USP9Y: variants seen among roughly 807,000 people sequenced by gnomAD.
The protein encoded by USP9Y is ubiquitin carboxyl-terminal hydrolase 9Y.
In USP9Y, 41 loss-of-function variants were observed where a neutral mutation model predicts 53.1. The ratio of observed to expected loss-of-function variants is 0.77; its 90% CI spans 0.60 to 1.00. The LOEUF is 1.00. Ranked by LOEUF, USP9Y falls within the 50% of genes least tolerant of loss-of-function variation. USP9Y has a pLI of 0.00. For synonymous variants in USP9Y, 220 were observed against 173.7 expected, an observed-to-expected ratio of 1.27 and a Z score of -2.09; for missense variants, 567 against 535.8, an observed-to-expected ratio of 1.06 and a Z score of -0.58.
At chrY:12,818,793 TAGAA>T (rs2053538581) in intron 33 of USP9Y, among the ~76,000 whole-genome samples, 183 bp downstream of exon 33, 3 of 34,018 alleles carry the variant, frequency 8.8e-5, no homozygotes, top group Non-Finnish European at 2.2e-4. Context: ...ATTATCCCAA[TAGAA>T]AGAAGTAAAA....
At chrY:12,840,657 A>G in intron 36 of USP9Y, 43 bp downstream of exon 36, 1 of 369,322 alleles carries the variant, frequency 2.7e-6, no homozygotes, top group Non-Finnish European at 3.8e-6. Flanking sequence ...AATAGTTTTT[A>G]TTTGGCTTCT....
intron 27 of USP9Y, among the ~76,000 whole-genome samples, chrY:12,809,047 G>T (rs954547551): frequency 7.7e-4 from 26 of 33,827 alleles, no homozygotes; most frequent in Non-Finnish European, 2.9e-4. Context: ...AGCAAGGTCG[G>T]TGTGGCTGAG....
At chrY:12,801,657 A>G (rs2053519337) in intron 27 of USP9Y, among the ~76,000 whole-genome samples, 1 of 33,958 alleles carries the variant, frequency 2.9e-5, no homozygotes, top group Admixed American at 2.6e-4. Flanking sequence ...TCTTTTATAT[A>G]TCACTGGCTG....
chrY:12,857,612 C>T lies in USP9Y; in HGVS notation c.7481C>T (p.Ser2494Leu). Residue 2494 changes from serine (S) to leucine (L), a missense_variant, in exon 45 of 46, where the codon TCA (serine) becomes TTA (leucine). Coordinates refer to ENST00000338981, the MANE Select transcript of USP9Y (RefSeq NM_004654.4). ...CCAGATGAGCATGAGCCCTCTCCATCAGAAGATGCCCCATTATATCCTCAT... is the reference window on the plus strand; with the variant it reads ...CCAGATGAGCATGAGCCCTCTCCATTAGAAGATGCCCCATTATATCCTCAT... ...DAPDEHEPSP[S>L]EDAPLYPHSP... The T allele has an allele frequency of 2.6e-6, 1 of 387,572 alleles. No individual in the cohort carries two copies. Among genetic ancestry groups the T allele is most frequent in the Non-Finnish European group, 3.6e-6 (1 of 277,351 alleles).
Position 12,758,650 on chromosome Y carries a change from T to C in USP9Y, c.1766+8T>C. 2.8e-6 allele frequency: 1 copy of C among 354,404 alleles called. No individual in the cohort carries two copies. The highest frequency in any genetic ancestry group is 6.7e-5 in the African/African-American group (1 of 14,996). The allele number at this position is 354,404 out of a possible 400,897, so 88.4% of individuals were successfully genotyped here. A position where few individuals can be genotyped will look rare whatever the true frequency, so the allele number is the denominator to read the frequency against. ...AGCATCTCAAAATTTGAGGTAAGAC[T>C]TTTTTAATAGAGAATTTTCTTATTT... On this transcript the variant is annotated splice_region_variant and intron_variant, in intron 14 of 45. Coordinates refer to ENST00000338981, the MANE Select transcript of USP9Y (RefSeq NM_004654.4).
At chrY:12,729,062 G>T in intron 7 of USP9Y, among the ~76,000 whole-genome samples, 1 of 33,565 alleles carries the variant, frequency 3.0e-5, no homozygotes, top group Non-Finnish European at 7.4e-5. Context: ...CACAATACCC[G>T]GCTGATTTAT....
At chrY:12,725,367 T>G in intron 6 of USP9Y, 142 bp downstream of exon 6, 1 of 141,945 alleles carries the variant, frequency 7.0e-6, no homozygotes, top group Non-Finnish European at 1.3e-5. Flanking sequence ...TAGCATGGTC[T>G]TTAAGAATGA....
intron 3 of USP9Y, among the ~76,000 whole-genome samples, chrY:12,713,096 T>C: frequency 6.1e-5 from 2 of 32,827 alleles, no homozygotes; most frequent in Non-Finnish European, 1.5e-4. Context: ...TAACATGATT[T>C]TAGCTTACAG....
intron 27 of USP9Y, among the ~76,000 whole-genome samples, chrY:12,795,829 C>T (rs1603200676): frequency 3.1e-5 from 1 of 32,722 alleles, no homozygotes. Flanking sequence ...AGTGATATGA[C>T]GCTGGTGGGA....
intron 15 of USP9Y, among the ~76,000 whole-genome samples, chrY:12,767,563 A>G (rs765420256): frequency 2.5e-4 from 8 of 32,075 alleles, no homozygotes; most frequent in African/African-American, 9.8e-4. Context: ...GTTTGTTTCT[A>G]TTGTCATAGA....
At chrY:12,798,099 C>T in intron 27 of USP9Y, among the ~76,000 whole-genome samples, 1 of 26,012 alleles carries the variant, frequency 3.8e-5, no homozygotes, top group East Asian at 1.0e-3. Context: ...CTCTCCCTCC[C>T]TCCTTCCTTC....
In USP9Y at chrY:12,846,948, C is replaced by G. The variant is rs2053567094; in HGVS notation, c.6770C>G (p.Pro2257Arg). Residue 2257 changes from proline (P) to arginine (R), a missense_variant, in exon 41 of 46, where the codon CCC becomes CGC. Coordinates refer to ENST00000338981, the MANE Select transcript of USP9Y (RefSeq NM_004654.4). ...TCTGTTCTAGGTAATCCCCCTCTCC[C>G]CAATCCTTTCGGTGACCTTAATTTA... ...QSSINGNPPL[P>R]NPFGDLNLSQ... 1 of 393,393 alleles carries G rather than the reference C, an allele frequency of 2.5e-6. No homozygotes were observed. The highest frequency in any genetic ancestry group is 3.6e-6 in the Non-Finnish European group (1 of 280,069).
chrY:12,780,177 T>C (rs2053497571), intron 22 of USP9Y, among the ~76,000 whole-genome samples: 2 of 33,929 alleles, frequency 5.9e-5, no homozygotes, highest in Non-Finnish European at 1.5e-4. Context: ...TACAATCTCC[T>C]AAGTTACTCA....
chrY:12,712,690 A>G, intron 3 of USP9Y, among the ~76,000 whole-genome samples: 1 of 33,141 alleles, frequency 3.0e-5, no homozygotes, highest in African/African-American at 1.2e-4. Context: ...TAACTACACT[A>G]TTTGTTATTA....
In USP9Y at chrY:12,786,226, C is replaced by T; in HGVS notation, c.3175C>T (p.Arg1059Ter). Residue 1059 changes from arginine (R) to a stop codon, truncating the protein, a stop_gained, in exon 23 of 46, where the codon CGA (arginine) becomes TGA (stop). Coordinates refer to ENST00000338981, the MANE Select transcript of USP9Y (RefSeq NM_004654.4). LOFTEE classifies it high-confidence loss of function. The part of the protein sequence containing the change: ...PPDRTAVEKL[R>*]AVCLDHAKLG... ...AGATAGAACAGCTGTAGAAAAATTA[C>T]GAGCTGTTTGTTTGGACCATGCAAA... 2.5e-6 allele frequency: 1 copy of T among 398,279 alleles called. No homozygotes were observed. The highest frequency in any genetic ancestry group is 3.5e-6 in the Non-Finnish European group (1 of 283,149).
At chrY:12,738,538 T>C in intron 11 of USP9Y, among the ~76,000 whole-genome samples, 1 of 32,317 alleles carries the variant, frequency 3.1e-5, no homozygotes, top group Non-Finnish European at 7.6e-5. Flanking sequence ...TTGGTTTTTT[T>C]TGTTTTGTTT....
chrY:12,790,586 G>A, intron 25 of USP9Y, 54 bp downstream of exon 25: 2 of 343,376 alleles, frequency 5.8e-6, no homozygotes, highest in Non-Finnish European at 8.5e-6. Context: ...TACTTAACAC[G>A]TAAATAAATT....
At chrY:12,767,606 C>CTGTGTG (rs199662654) in intron 15 of USP9Y, among the ~76,000 whole-genome samples, 1 of 26,608 alleles carries the variant, frequency 3.8e-5, no homozygotes, top group South Asian at 8.7e-4. Flanking sequence ...GTGTGTGTAT[C>CTGTGTG]TGTGTGTGTG....
chrY:12,809,096 C>T, intron 27 of USP9Y, among the ~76,000 whole-genome samples: 1 of 33,147 alleles, frequency 3.0e-5, no homozygotes, highest in Non-Finnish European at 7.4e-5. Flanking sequence ...ATGAAGAGCT[C>T]GTAGAGATAA....
Sources: gnomAD v4.1 joint callset for allele counts (sites outside exome capture counted in the v4.1 genomes callset) on GRCh38, gnomAD v4.1.1 for gene constraint, MANE v1.5 for transcripts, NCBI Gene and HGNC (gene_info 2026-07-23, HGNC 2026-07-21) for gene names.